LYSET: variants seen among roughly 807,000 people sequenced by gnomAD.
LYSET encodes the protein lysosomal enzyme trafficking factor, also known as GNPTAB cleavage and activity factor.
At chr14:93,186,954 A>G in the LYSET span, 2 of 397,074 alleles carry the variant, frequency 5.0e-6, no homozygotes, top group Non-Finnish European at 9.3e-6. Flanking sequence ...CTGAATTCAT[A>G]TTTCTATTCT....
the LYSET span, among the ~76,000 whole-genome samples, chr14:93,187,631 AATTATT>A: frequency 6.6e-6 from 1 of 152,022 alleles, no homozygotes; most frequent in Non-Finnish European, 1.5e-5. Context: ...TATTTATTTA[AATTATT>A]ATTATTATTT....
chr14:93,185,417 A>T, the LYSET span: 8 of 1,612,862 alleles, frequency 5.0e-6, no homozygotes, highest in Non-Finnish European at 5.1e-6. Context: ...TGCCAAAGCC[A>T]CCCGATTATT....
chr14:93,186,904 A>G, the LYSET span: 2 of 469,226 alleles, frequency 4.3e-6, no homozygotes, highest in Admixed American at 3.9e-5. Flanking sequence ...AAGTTAAATC[A>G]TGTCTGTTAT....
chr14:93,185,390 G>A, the LYSET span: 1 of 1,611,286 alleles, frequency 6.2e-7, no homozygotes, highest in African/African-American at 1.3e-5. Flanking sequence ...TTTATTTTAT[G>A]TTGGCTTTCT....
chr14:93,185,625 A>G, the LYSET span: 2 of 682,248 alleles, frequency 2.9e-6, no homozygotes, highest in East Asian at 5.4e-5. Flanking sequence ...GTTTAATTCC[A>G]GTTTCTGGAG....
At chr14:93,185,584 C>T in the LYSET span, 3 of 1,008,512 alleles carry the variant, frequency 3.0e-6, no homozygotes, top group Admixed American at 2.0e-5. Flanking sequence ...AGTGTTTCAC[C>T]TGTCAAAGTG....
the LYSET span, chr14:93,186,696 G>A: frequency 2.2e-5 from 34 of 1,562,386 alleles, no homozygotes; most frequent in Middle Eastern, 2.1e-4. Flanking sequence ...TTTTCCCTAC[G>A]ATTACAAAAC....
At chr14:93,186,151 G>A in the LYSET span, 4 of 1,126,244 alleles carry the variant, frequency 3.6e-6, no homozygotes, top group South Asian at 3.0e-5. Flanking sequence ...TTACAGGCGC[G>A]AGCCACCGCG....
At chr14:93,185,554 G>C in the LYSET span, 3 of 1,310,596 alleles carry the variant, frequency 2.3e-6, no homozygotes, top group Non-Finnish European at 3.3e-6. Context: ...CACGTCTGAA[G>C]CAGTACTGTT....
chr14:93,185,429 A>G, the LYSET span: 1 of 1,613,464 alleles, frequency 6.2e-7, no homozygotes, highest in African/African-American at 1.3e-5. Flanking sequence ...CCGATTATTC[A>G]GAGCTGAGTG....
chr14:93,185,303 C>G, the LYSET span: 3 of 1,139,084 alleles, frequency 2.6e-6, no homozygotes, highest in Non-Finnish European at 3.8e-6. Context: ...GCCGCAGTCA[C>G]GCCGTTCTTA....
At chr14:93,185,711 G>A in the LYSET span, among the ~76,000 whole-genome samples, 4 of 152,250 alleles carry the variant, frequency 2.6e-5, no homozygotes, top group African/African-American at 9.6e-5. Context: ...GCAGAACTCA[G>A]TATATACTGA....
At chr14:93,186,178 T>TG in the LYSET span, 1 of 1,390,386 alleles carries the variant, frequency 7.2e-7, no homozygotes, top group Non-Finnish European at 9.8e-7. Flanking sequence ...CTAGAATTCT[T>TG]GGAGATAAAG....
the LYSET span, chr14:93,185,171 A>C: frequency 5.6e-6 from 1 of 178,514 alleles, no homozygotes; most frequent in African/African-American, 2.4e-5. Context: ...CCGGCGCTGC[A>C]GCGCGGCAGG....
chr14:93,185,427 T>G, the LYSET span: 2 of 1,613,354 alleles, frequency 1.2e-6, no homozygotes, highest in Non-Finnish European at 1.7e-6. Flanking sequence ...ACCCGATTAT[T>G]CAGAGCTGAG....
chr14:93,186,771 G>A, the LYSET span: 10 of 1,301,338 alleles, frequency 7.7e-6, no homozygotes, highest in South Asian at 1.6e-5. Context: ...GGAAGTTGTC[G>A]TGGGGCAGAG....
At chr14:93,185,378 G>T in the LYSET span, 2 of 1,610,220 alleles carry the variant, frequency 1.2e-6, no homozygotes, top group Non-Finnish European at 1.7e-6. Flanking sequence ...TGACCCAGGG[G>T]ATTTATTTTA....
At chr14:93,188,084 G>A in the LYSET span, among the ~76,000 whole-genome samples, 5 of 151,730 alleles carry the variant, frequency 3.3e-5, no homozygotes, top group South Asian at 6.2e-4. Flanking sequence ...TCAGACTCCC[G>A]AGTAGCTGGG....
At chr14:93,185,317 A>T in the LYSET span, 3 of 1,267,210 alleles carry the variant, frequency 2.4e-6, no homozygotes, top group Admixed American at 5.7e-5. Flanking sequence ...GTTCTTAATC[A>T]CTAGTAGCTG....
Sources: gnomAD v4.1 joint callset for allele counts (sites outside exome capture counted in the v4.1 genomes callset) on GRCh38, gnomAD v4.1.1 for gene constraint, MANE v1.5 for transcripts, NCBI Gene and HGNC (gene_info 2026-07-23, HGNC 2026-07-21) for gene names.